The following FGD6 variants were observed in gnomAD, a reference collection of about 807,000 sequenced individuals.
FGD6 encodes the protein FYVE, RhoGEF and PH domain containing 6, also known as FYVE, RhoGEF and PH domain-containing protein 6.
FGD6 carries 90 observed loss-of-function variants against 149.4 expected under a neutral mutation model. The observed-to-expected ratio is 0.60, with a 90% CI of 0.51 to 0.72. FGD6 has a LOEUF of 0.72. Ranked by LOEUF, FGD6 falls within the 30% of genes least tolerant of loss-of-function variation. The pLI, the probability that FGD6 is intolerant of heterozygous loss-of-function variation, is 0.00. For synonymous variants in FGD6, 527 were observed against 584.0 expected (o/e 0.90, Z 1.41); for missense variants, 1,437 against 1,684.8 (o/e 0.85, Z 2.57).
intron 3 of FGD6, among the ~76,000 whole-genome samples, chr12:95,156,590 C>T (rs1880478983): frequency 1.3e-5 from 2 of 152,170 alleles, no homozygotes; most frequent in Non-Finnish European, 2.9e-5. Context: ...TGTGATCTCG[C>T]CCTGCCTCCA....
chr12:95,200,338 C>A (rs1441865292), intron 2 of FGD6, among the ~76,000 whole-genome samples: 2 of 152,282 alleles, frequency 1.3e-5, no homozygotes, highest in South Asian at 2.1e-4. Flanking sequence ...CAGGGGGAAA[C>A]TGGTTTTCTT....
chr12:95,130,767 C>A (rs1443845055), intron 8 of FGD6, among the ~76,000 whole-genome samples: 1 of 151,850 alleles, frequency 6.6e-6, no homozygotes, highest in African/African-American at 2.4e-5. Flanking sequence ...ACTTTCACAG[C>A]AACAGTAGAT....
At chr12:95,205,356 T>C (rs1270768126) in intron 2 of FGD6, among the ~76,000 whole-genome samples, 1 of 152,202 alleles carries the variant, frequency 6.6e-6, no homozygotes, top group Non-Finnish European at 1.5e-5. Flanking sequence ...CCCAAGCTTG[T>C]CAAAAGTCTG....
intron 12 of FGD6, 52 bp downstream of exon 12, chr12:95,107,511 T>C: frequency 6.3e-7 from 1 of 1,585,216 alleles, no homozygotes; most frequent in Admixed American, 1.7e-5. Flanking sequence ...TCTCCTTTCC[T>C]TAAGCAACTA....
chr12:95,125,054 T>A (rs1004058480), intron 8 of FGD6, among the ~76,000 whole-genome samples: 6 of 152,270 alleles, frequency 3.9e-5, no homozygotes, highest in Admixed American at 3.3e-4. Context: ...ATAACTGTAC[T>A]TCAGCCCAGT....
chr12:95,183,417 TCC>T (rs1207155306), intron 2 of FGD6, among the ~76,000 whole-genome samples: 1 of 152,156 alleles, frequency 6.6e-6, no homozygotes, highest in Non-Finnish European at 1.5e-5. Context: ...TGCTGTGCCC[TCC>T]TCTAGGCTGG....
chr12:95,137,699 C>T, intron 6 of FGD6, 21 bp from the exon 7 acceptor site: 1 of 1,521,316 alleles, frequency 6.6e-7, no homozygotes, highest in East Asian at 2.3e-5. Flanking sequence ...AGAAGAGATA[C>T]ACAAAAAAAT....
At chr12:95,196,443 G>A (rs1011671525) in intron 2 of FGD6, among the ~76,000 whole-genome samples, 16 of 152,004 alleles carry the variant, frequency 1.1e-4, no homozygotes, top group African/African-American at 3.1e-4. Context: ...TGTTGGCCAG[G>A]CTGGTCTCAA....
Position 95,089,487 on chromosome 12 carries a change from CT to C in FGD6, c.3978+81del, listed in dbSNP as rs1473279602. The C allele has an allele frequency of 1.1e-5, 17 of 1,479,830 alleles. No homozygotes were observed. In the East Asian group the frequency reaches 2.1e-4, roughly 18 times the overall value. 91.7% of individuals were successfully genotyped at this position (1,479,830 alleles called of 1,614,324 possible). A position where few individuals can be genotyped will look rare whatever the true frequency, so the allele number is the denominator to read the frequency against. ...AATAGTTGTGGGAAATGACATCTTC[CT>C]TTATGAAAGAAAAACGGTGTATTAT... On this transcript the variant is annotated intron_variant, in intron 18 of 20. Transcript: ENST00000343958.
intron 2 of FGD6, among the ~76,000 whole-genome samples, chr12:95,191,250 A>G (rs1881580722): frequency 6.6e-6 from 1 of 152,228 alleles, no homozygotes. Flanking sequence ...CTTCTTGCAT[A>G]ACCATCCCAC....
intron 2 of FGD6, among the ~76,000 whole-genome samples, chr12:95,187,646 C>T (rs1261607437): frequency 6.9e-6 from 1 of 144,612 alleles, no homozygotes; most frequent in Non-Finnish European, 1.5e-5. Flanking sequence ...AGCGAGGCTG[C>T]GTCCCCAAAA....
intron 9 of FGD6, among the ~76,000 whole-genome samples, chr12:95,113,177 T>G (rs1368183236): frequency 6.6e-6 from 1 of 151,484 alleles, no homozygotes; most frequent in African/African-American, 2.4e-5. Flanking sequence ...CTTTACTACT[T>G]AACTGGTTCT....
chr12:95,206,696 A>AAG (rs2056694413), intron 2 of FGD6, among the ~76,000 whole-genome samples: 1 of 146,138 alleles, frequency 6.8e-6, no homozygotes. Context: ...CCTGTCTCCA[A>AAG]AGAAAAAAAA....
In FGD6 at chr12:95,209,092, G is replaced by C. The variant is rs1331872376; in HGVS notation, c.2192C>G (p.Ser731Ter). ...SLDDQMLSRE[S>*]SSQAPYKSVT... ...AGACTTGTAAGGTGCCTGAGATGAT[G>C]ACTCCCGGGAGAGCATTTGGTCATC... Residue 731 changes from serine (S) to a stop codon, truncating the protein, a stop_gained, in exon 2 of 21, where the codon TCA (serine) becomes TGA (stop). Transcript: ENST00000343958. LOFTEE classifies it high-confidence loss of function. 4 of 1,614,150 alleles carry C rather than the reference G, an allele frequency of 2.5e-6. No individual in the cohort carries two copies. Among genetic ancestry groups the C allele is most frequent in the Non-Finnish European group, 2.5e-6 (3 of 1,180,048 alleles).
chr12:95,098,750 C>T (rs1878321837), intron 14 of FGD6, among the ~76,000 whole-genome samples: 1 of 152,190 alleles, frequency 6.6e-6, no homozygotes, highest in Non-Finnish European at 1.5e-5. Flanking sequence ...AGCCTCCTAG[C>T]CCCTGGTACT....
At chr12:95,092,040 C>T (rs1016551246) in intron 16 of FGD6, among the ~76,000 whole-genome samples, 1 of 152,100 alleles carries the variant, frequency 6.6e-6, no homozygotes, top group Middle Eastern at 3.2e-3. Flanking sequence ...AGAGGGCTGA[C>T]TACATAAAAT....
chr12:95,175,799 CAA>C (rs61051041), intron 2 of FGD6, among the ~76,000 whole-genome samples: 7 of 38,896 alleles, frequency 1.8e-4, no homozygotes, highest in Admixed American at 6.3e-4. Context: ...GACTCTGTCT[CAA>C]AAAAAAAAAA....
At chr12:95,165,499 A>G (rs961662875) in intron 3 of FGD6, among the ~76,000 whole-genome samples, 8 of 151,098 alleles carry the variant, frequency 5.3e-5, no homozygotes, top group African/African-American at 1.7e-4. Context: ...ACGCCTGGCT[A>G]ATTTTTTTTA....
At chr12:95,169,525 A>C (rs1228534733) in intron 3 of FGD6, among the ~76,000 whole-genome samples, 1 of 152,202 alleles carries the variant, frequency 6.6e-6, no homozygotes, top group Non-Finnish European at 1.5e-5. Flanking sequence ...GGGAGTCTCC[A>C]CTGCCCACAG....
Sources: allele counts gnomAD v4.1 joint callset (sites outside exome capture counted in the v4.1 genomes callset), GRCh38; gene constraint gnomAD v4.1.1; transcripts MANE v1.5; gene names NCBI Gene and HGNC (gene_info 2026-07-23, HGNC 2026-07-21).